BCAT1: variants seen among roughly 807,000 people sequenced by gnomAD.
BCAT1 encodes branched-chain-amino-acid aminotransferase, cytosolic.
In BCAT1, 48 loss-of-function variants were observed where a neutral mutation model predicts 52.4. The observed-to-expected ratio is 0.92, with a 90% CI of 0.73 to 1.16. The LOEUF is 1.16. BCAT1 is among the 50% of genes most tolerant of loss of function. The pLI, the probability that BCAT1 is intolerant of heterozygous loss-of-function variation, is 0.00. For synonymous variants in BCAT1, 167 were observed against 161.3 expected, an observed-to-expected ratio of 1.04 and a Z score of -0.27; for missense variants, 451 against 457.1, an observed-to-expected ratio of 0.99 and a Z score of 0.12.
At chr12:24,849,711 T>C in intron 6 of BCAT1, 75 bp downstream of exon 6, 3 of 1,433,378 alleles carry the variant, frequency 2.1e-6, no homozygotes, top group Non-Finnish European at 2.8e-6. Context: ...TATGTGTTCA[T>C]ACTGAAGTGA....
intron 2 of BCAT1, among the ~76,000 whole-genome samples, chr12:24,901,323 C>T (rs1943096415): frequency 3.9e-5 from 6 of 152,214 alleles, no homozygotes. Flanking sequence ...AATATTACAT[C>T]TTACATTTGT....
chr12:24,821,705 G>A (rs1940136967), intron 10 of BCAT1, among the ~76,000 whole-genome samples: 1 of 152,128 alleles, frequency 6.6e-6, no homozygotes, highest in African/African-American at 2.4e-5. Flanking sequence ...AACACTGGAG[G>A]TATAAAGAGA....
intron 5 of BCAT1, among the ~76,000 whole-genome samples, chr12:24,854,781 G>A (rs898803037): frequency 3.0e-4 from 46 of 152,102 alleles, no homozygotes; most frequent in Non-Finnish European, 6.0e-4. Flanking sequence ...TTGCCCAAAT[G>A]TCATGGTTAT....
chr12:24,877,522 G>A (rs189053387), intron 5 of BCAT1, among the ~76,000 whole-genome samples: 3 of 152,118 alleles, frequency 2.0e-5, no homozygotes, highest in South Asian at 4.1e-4. Context: ...AAATCATAAG[G>A]TCATGTTATT....
Position 24,901,884 on chromosome 12 carries a change from T to A in BCAT1, c.8A>T (p.Asp3Val), listed in dbSNP as rs1211579581. The change falls in exon 2 of 11, where the codon GAT (aspartate) becomes GTT (valine). Residue 3 changes from aspartate to valine, a missense_variant and splice_region_variant. By Grantham distance (152) the Asp-to-Val change is radical (BLOSUM62 -3). Coordinates refer to ENST00000261192, the MANE Select transcript of BCAT1 (RefSeq NM_005504.7). ...CTCTGCGGAGCATCCGTTACTGCAA[T>A]CCTTAAAGAAGAATTAAACCACCAT... is the stretch of plus-strand genomic sequence containing the variant. Reference protein sequence around the residue: MKDCSNGCSAECT... With the variant: MKVCSNGCSAECT... 1.2e-6 allele frequency: 2 copies of A among 1,613,884 alleles called. No individual in the cohort carries two copies. The highest frequency in any genetic ancestry group is 1.7e-6 in the Non-Finnish European group (2 of 1,179,892).
chr12:24,908,564 A>C (rs1157006286), intron 1 of BCAT1, among the ~76,000 whole-genome samples: 1 of 152,120 alleles, frequency 6.6e-6, no homozygotes, highest in Non-Finnish European at 1.5e-5. Flanking sequence ...AACATGGTGA[A>C]ACTCACCTCT....
At chr12:24,835,192 A>G (rs1182414812) in intron 8 of BCAT1, among the ~76,000 whole-genome samples, 2 of 152,260 alleles carry the variant, frequency 1.3e-5, no homozygotes, top group African/African-American at 4.8e-5. Flanking sequence ...TTTGAAAATT[A>G]TACCAACGGT....
intron 1 of BCAT1, among the ~76,000 whole-genome samples, chr12:24,928,620 G>C (rs1318158899): frequency 1.5e-5 from 2 of 137,256 alleles, no homozygotes; most frequent in Non-Finnish European, 3.1e-5. Flanking sequence ...GCAATACAGA[G>C]CGAGACAGTC....
chr12:24,909,055 A>T (rs568781143), intron 1 of BCAT1, among the ~76,000 whole-genome samples: 1 of 151,998 alleles, frequency 6.6e-6, no homozygotes, highest in African/African-American at 2.4e-5. Context: ...TTTTTTTAAG[A>T]CCCATTTATT....
intron 10 of BCAT1, among the ~76,000 whole-genome samples, chr12:24,820,827 G>C (rs200031083): frequency 2.6e-5 from 4 of 151,938 alleles, no homozygotes; most frequent in East Asian, 3.9e-4. Flanking sequence ...ATTTCATACG[G>C]CTTTGCTAAA....
At chr12:24,858,884 G>C (rs933197900) in intron 5 of BCAT1, among the ~76,000 whole-genome samples, 1 of 152,224 alleles carries the variant, frequency 6.6e-6, no homozygotes, top group Non-Finnish European at 1.5e-5. Flanking sequence ...CTAAAGGTTT[G>C]AGTAAGTTGT....
At chr12:24,825,633 A>G (rs960044312) in intron 10 of BCAT1, among the ~76,000 whole-genome samples, 5 of 151,998 alleles carry the variant, frequency 3.3e-5, no homozygotes, top group Non-Finnish European at 5.9e-5. Flanking sequence ...TCTTTTATCC[A>G]TTTTTAATCA....
intron 5 of BCAT1, among the ~76,000 whole-genome samples, chr12:24,864,159 A>T (rs997688926): frequency 6.6e-5 from 10 of 152,162 alleles, no homozygotes; most frequent in Admixed American, 5.2e-4. Flanking sequence ...AAAGTTTGCT[A>T]ATGCCTTCTC....
intron 7 of BCAT1, among the ~76,000 whole-genome samples, chr12:24,841,071 A>T (rs1019956585): frequency 1.3e-5 from 2 of 151,536 alleles, no homozygotes; most frequent in African/African-American, 4.8e-5. Flanking sequence ...GCCAACTAAT[A>T]AAAAAAAACA....
At chr12:24,899,250 C>A (rs12320158) in intron 2 of BCAT1, among the ~76,000 whole-genome samples, 2 of 151,806 alleles carry the variant, frequency 1.3e-5, no homozygotes, top group Non-Finnish European at 2.9e-5. Flanking sequence ...AGAAGAAATA[C>A]GAAAACTACC....
chr12:24,867,226 TAA>T (rs1942046014), intron 5 of BCAT1, among the ~76,000 whole-genome samples: 1 of 152,068 alleles, frequency 6.6e-6, no homozygotes, highest in Non-Finnish European at 1.5e-5. Context: ...ACGACACCTT[TAA>T]GAACTGTAAC....
At chr12:24,838,457 A>G (rs2139420559) in intron 7 of BCAT1, among the ~76,000 whole-genome samples, 1 of 152,122 alleles carries the variant, frequency 6.6e-6, no homozygotes, top group South Asian at 2.1e-4. Flanking sequence ...GTGTTTTGCA[A>G]TAGCTAGCCA....
intron 1 of BCAT1, among the ~76,000 whole-genome samples, chr12:24,915,189 C>A (rs1325347185): frequency 6.6e-6 from 1 of 151,848 alleles, no homozygotes; most frequent in African/African-American, 2.4e-5. Flanking sequence ...TTTAGCAGGA[C>A]TATAGTTGTG....
chr12:24,839,655 A>G (rs1228758262), intron 7 of BCAT1, among the ~76,000 whole-genome samples: 2 of 152,190 alleles, frequency 1.3e-5, no homozygotes, highest in African/African-American at 2.4e-5. Flanking sequence ...TTGAACACAC[A>G]CTATCCACCA....
Sources: gnomAD v4.1 joint callset for allele counts (sites outside exome capture counted in the v4.1 genomes callset) on GRCh38, gnomAD v4.1.1 for gene constraint, MANE v1.5 for transcripts, NCBI Gene and HGNC (gene_info 2026-07-23, HGNC 2026-07-21) for gene names.